Variants in ADK observed in about 807,000 individuals in gnomAD.
ADK encodes adenosine kinase.
Under a neutral mutation model 44.7 loss-of-function variants are expected in ADK, and 24 were observed. The ratio of observed to expected loss-of-function variants is 0.54; its 90% CI spans 0.39 to 0.76. The LOEUF (loss-of-function observed/expected upper bound fraction) is 0.76, where lower values mean the gene tolerates loss of function less well. Among genes scored for constraint, ADK ranks in the 30% least tolerant of loss-of-function variants. The pLI is 0.00. For synonymous variants in ADK, 128 were observed against 142.6 expected (o/e 0.90, Z 0.73); for missense variants, 321 against 425.1 (o/e 0.76, Z 2.15).
intron 3 of ADK, among the ~76,000 whole-genome samples, chr10:74,280,579 G>A (rs1401192631): frequency 2.0e-5 from 3 of 152,296 alleles, no homozygotes; most frequent in East Asian, 1.9e-4. Flanking sequence ...CTCTAAATAA[G>A]TTTTAATGCC....
At chr10:74,584,686 C>T (rs975165638) in intron 7 of ADK, among the ~76,000 whole-genome samples, 3 of 152,106 alleles carry the variant, frequency 2.0e-5, no homozygotes, top group Non-Finnish European at 2.9e-5. Context: ...CATTATAAGG[C>T]CTGTAACAGC....
intron 6 of ADK, among the ~76,000 whole-genome samples, chr10:74,494,751 C>T (rs1362149989): frequency 6.6e-6 from 1 of 152,116 alleles, no homozygotes; most frequent in Non-Finnish European, 1.5e-5. Flanking sequence ...CAACCTCTGC[C>T]TCCCGGGCTC....
intron 6 of ADK, among the ~76,000 whole-genome samples, chr10:74,453,290 C>T (rs1201613703): frequency 6.6e-6 from 1 of 152,120 alleles, no homozygotes; most frequent in Non-Finnish European, 1.5e-5. Context: ...AACATGCATC[C>T]TATCTCCTTG....
At chr10:74,474,487 C>T (rs991021905) in intron 6 of ADK, among the ~76,000 whole-genome samples, 4 of 150,700 alleles carry the variant, frequency 2.7e-5, no homozygotes, top group African/African-American at 9.7e-5. Context: ...CTTTTTCTCT[C>T]CCCCTTTCCT....
chr10:74,514,552 T>C (rs1202015385), intron 6 of ADK, among the ~76,000 whole-genome samples: 2 of 152,098 alleles, frequency 1.3e-5, no homozygotes, highest in Admixed American at 6.5e-5. Flanking sequence ...CTCTTTATTG[T>C]ATTTTTTATT....
chr10:74,184,740 AG>A (rs1417200602), intron 1 of ADK, among the ~76,000 whole-genome samples: 1 of 152,190 alleles, frequency 6.6e-6, no homozygotes, highest in African/African-American at 2.4e-5. Flanking sequence ...TACTCTCAAA[AG>A]TGTCCCATTT....
chr10:74,482,740 C>T (rs939487707), intron 6 of ADK, among the ~76,000 whole-genome samples: 1 of 152,198 alleles, frequency 6.6e-6, no homozygotes, highest in Admixed American at 6.5e-5. Context: ...GGGCTACAGG[C>T]CCCATGCAAG....
chr10:74,249,509 A>ACACACACACACC (rs1845567814), intron 3 of ADK, among the ~76,000 whole-genome samples: 2 of 152,036 alleles, frequency 1.3e-5, no homozygotes, highest in Non-Finnish European at 2.9e-5. Flanking sequence ...ACACACACAC[A>ACACACACACACC]CACACACACA....
intron 4 of ADK, among the ~76,000 whole-genome samples, chr10:74,359,177 A>G (rs1047379821): frequency 6.6e-6 from 1 of 152,056 alleles, no homozygotes; most frequent in African/African-American, 2.4e-5. Context: ...TTTGGTCTAT[A>G]TATTTATTTA....
At chr10:74,609,256 T>A (rs1852454220) in intron 9 of ADK, among the ~76,000 whole-genome samples, 1 of 152,148 alleles carries the variant, frequency 6.6e-6, no homozygotes, top group Non-Finnish European at 1.5e-5. Context: ...CAGTTCTGTC[T>A]CGCTGGCGTT....
intron 3 of ADK, among the ~76,000 whole-genome samples, chr10:74,283,684 CTT>C (rs774619771): frequency 1.6e-4 from 15 of 95,548 alleles, no homozygotes; most frequent in Admixed American, 4.3e-4. Context: ...TTCTTTCTTT[CTT>C]TTTTTTTTTT....
At chr10:74,445,479 C>T (rs1338770892) in intron 6 of ADK, among the ~76,000 whole-genome samples, 1 of 151,844 alleles carries the variant, frequency 6.6e-6, no homozygotes, top group Admixed American at 6.6e-5. Flanking sequence ...TACTTTTATA[C>T]TCATTCCTTT....
chr10:74,468,945 A>T (rs1846453342), intron 6 of ADK, among the ~76,000 whole-genome samples: 2 of 152,012 alleles, frequency 1.3e-5, no homozygotes, highest in African/African-American at 4.8e-5. Context: ...AATCTAGACA[A>T]GGGGTGTGTG....
chr10:74,329,832 G>A (rs1228058387), intron 4 of ADK, among the ~76,000 whole-genome samples: 2 of 152,110 alleles, frequency 1.3e-5, no homozygotes, highest in African/African-American at 4.8e-5. Flanking sequence ...ACAATTATAT[G>A]TATCATTAAA....
intron 4 of ADK, among the ~76,000 whole-genome samples, chr10:74,338,249 A>T (rs1420420027): frequency 2.0e-5 from 3 of 152,248 alleles, no homozygotes; most frequent in Admixed American, 2.0e-4. Context: ...ATACTGCTGC[A>T]TACATATGTG....
chr10:74,349,976 A>G (rs936568996), intron 4 of ADK, among the ~76,000 whole-genome samples: 2 of 152,088 alleles, frequency 1.3e-5, no homozygotes, highest in African/African-American at 4.8e-5. Context: ...AGACTTTAAC[A>G]CCCCACTGTC....
chr10:74,191,517 G>T (rs1203488612), intron 1 of ADK, among the ~76,000 whole-genome samples: 3 of 152,178 alleles, frequency 2.0e-5, no homozygotes, highest in Non-Finnish European at 4.4e-5. Context: ...CTCCCAAAGT[G>T]CTGAGACTAC....
intron 2 of ADK, among the ~76,000 whole-genome samples, chr10:74,211,650 ATGT>A (rs1242683724): frequency 6.6e-6 from 1 of 152,182 alleles, no homozygotes; most frequent in Non-Finnish European, 1.5e-5. Flanking sequence ...GATTATGGAA[ATGT>A]TGTGTATCTG....
intron 9 of ADK, among the ~76,000 whole-genome samples, chr10:74,619,665 T>A (rs1274253003): frequency 1.3e-5 from 2 of 152,122 alleles, no homozygotes; most frequent in East Asian, 3.8e-4. Flanking sequence ...TTTTAAAGAT[T>A]TTTTTTAATT....
Sources: gnomAD v4.1 joint callset for allele counts (sites outside exome capture counted in the v4.1 genomes callset) on GRCh38, gnomAD v4.1.1 for gene constraint, MANE v1.5 for transcripts, NCBI Gene and HGNC (gene_info 2026-07-23, HGNC 2026-07-21) for gene names.